CRACDL: variants seen among roughly 807,000 people sequenced by gnomAD.
The protein encoded by CRACDL is CRACD-like protein.
A neutral mutation model predicts 70.6 loss-of-function variants in CRACDL; 26 were observed. The ratio of observed to expected loss-of-function variants is 0.37; its 90% CI spans 0.27 to 0.51. CRACDL has a LOEUF of 0.51. CRACDL is among the 20% of genes least tolerant of loss of function. The pLI is 0.94. For missense variants in CRACDL, 1,283 were observed against 1,376.9 expected, an observed-to-expected ratio of 0.93 and a Z score of 1.08; for synonymous variants, 618 against 615.2, an observed-to-expected ratio of 1.00 and a Z score of -0.07.
intron 1 of CRACDL, among the ~76,000 whole-genome samples, chr2:98,867,281 T>C (rs1707184561): frequency 6.6e-6 from 1 of 152,218 alleles, no homozygotes; most frequent in Non-Finnish European, 1.5e-5. Context: ...TCAGAGTCCC[T>C]ATAAATGGAC....
At position 98,866,475 on chromosome 2, in the gene CRACDL, C is replaced by CTT. The variant is rs1173322192; in HGVS notation, c.-10-19667_-10-19666dup. Among the ~76,000 whole-genome samples the CTT allele has an allele frequency of 9.0e-3, 391 of 43,214 alleles. 38 individuals are homozygous for CTT. Among genetic ancestry groups the CTT allele is most frequent in the African/African-American group, 0.017 (168 of 9,970 alleles). The allele number at this position is 43,214 out of a possible 152,430, so 28.4% of individuals were successfully genotyped here. Reference sequence around the variant, plus strand: ...CTGATAGATGAAACAATCACTTCTTCTTTTTTTTTTTTTTTTTTTTTTTTT... The same window carrying CTT: ...CTGATAGATGAAACAATCACTTCTTCTTTTTTTTTTTTTTTTTTTTTTTTTTT... On this transcript the variant is annotated intron_variant, in intron 1 of 9. Coordinates refer to ENST00000397899, the MANE Select transcript of CRACDL (RefSeq NM_207362.3).
At chr2:98,897,835 A>G (rs2104649723) in intron 1 of CRACDL, among the ~76,000 whole-genome samples, 1 of 152,350 alleles carries the variant, frequency 6.6e-6, no homozygotes, top group East Asian at 1.9e-4. Flanking sequence ...AAAAACAGAG[A>G]CAGGGGGTGC....
chr2:98,860,014 C>T (rs1260037217), intron 1 of CRACDL, among the ~76,000 whole-genome samples: 1 of 151,914 alleles, frequency 6.6e-6, no homozygotes, highest in African/African-American at 2.4e-5. Context: ...TAGCAATGAA[C>T]AATCCACAGA....
chr2:98,826,626 A>G (rs1466489591), intron 6 of CRACDL, among the ~76,000 whole-genome samples: 1 of 152,180 alleles, frequency 6.6e-6, no homozygotes, highest in Non-Finnish European at 1.5e-5. Context: ...TGAGTGAGAA[A>G]GAAGGTAAGA....
At chr2:98,931,773 A>G (rs1013303473) in intron 1 of CRACDL, among the ~76,000 whole-genome samples, 7 of 152,198 alleles carry the variant, frequency 4.6e-5, no homozygotes, top group African/African-American at 1.4e-4. Context: ...ATGGTATCTG[A>G]GCCTGTGAAA....
At chr2:98,833,127 T>A in intron 3 of CRACDL, 130 bp from the exon 4 acceptor site, 1 of 838,054 alleles carries the variant, frequency 1.2e-6, no homozygotes, top group Non-Finnish European at 1.8e-6. Flanking sequence ...CATTTACATT[T>A]CAGTGGTCCC....
At position 98,822,614 on chromosome 2, in the gene CRACDL, C is replaced by G. The variant is rs988325692; in HGVS notation, c.1659G>C (p.Glu553Asp). The G allele has an allele frequency of 1.2e-5, 16 of 1,377,646 alleles. No individual in the cohort carries two copies. The highest frequency in any genetic ancestry group is 1.5e-5 in the African/African-American group (1 of 65,412). 85.3% of individuals were successfully genotyped at this position (1,377,646 alleles called of 1,614,324 possible). A position where few individuals can be genotyped will look rare whatever the true frequency, so the allele number is the denominator to read the frequency against. ...ERAEAPPAGA[E>D]RAAPERKAER... ...CCGCCTTCCGCTCTGGCGCCGCCCT[C>G]TCGGCGCCCGCCGGTGGCGCCTCGG... is the stretch of plus-strand genomic sequence containing the variant. Residue 553 changes from glutamate (E) to aspartate (D), a missense_variant, in exon 7 of 10, where the codon GAG becomes GAC. Physicochemically the swap from Glu to Asp is conservative, Grantham distance 45. Coordinates refer to ENST00000397899, the MANE Select transcript of CRACDL (RefSeq NM_207362.3). The surrounding 1 kb of genome is among the most constrained non-coding windows in gnomAD (Gnocchi z 4.9).
chr2:98,832,930 G>T lies in CRACDL; in HGVS notation c.307C>A (p.Gln103Lys). Residue 103 changes from glutamine (Q) to lysine (K), a missense_variant, in exon 4 of 10, where the codon CAG becomes AAG. By Grantham distance (53) the Gln-to-Lys change is moderately conservative. Coordinates refer to ENST00000397899, the MANE Select transcript of CRACDL (RefSeq NM_207362.3). Reference sequence around the variant, plus strand: ...ACCCGCACAGGCCGAGTAGCGTCCTGTCCGGACTCAGGAATGAAAATACTG... The same window carrying T: ...ACCCGCACAGGCCGAGTAGCGTCCTTTCCGGACTCAGGAATGAAAATACTG... ...HDSIFIPESG[Q>K]DATRPVRVFS... 1 of 1,614,106 alleles carries T rather than the reference G, an allele frequency of 6.2e-7. No individual in the cohort carries two copies. Among genetic ancestry groups the T allele is most frequent in the Non-Finnish European group, 8.5e-7 (1 of 1,179,950 alleles).
In CRACDL at chr2:98,804,505, G is replaced by A. The variant is rs191978648; in HGVS notation, c.2417-6968C>T. Among the ~76,000 whole-genome samples the A allele has an allele frequency of 5.0e-3, 765 of 152,292 alleles. 1 individual carries two copies. Among genetic ancestry groups the A allele is most frequent in the African/African-American group, 0.016 (677 of 41,554 alleles). On this transcript the variant is annotated intron_variant, in intron 7 of 9. Transcript: ENST00000397899. The stretch of plus-strand genomic sequence containing the variant: ...AGCTGAGGTCAAGCAGTGATGCGCC[G>A]CCTTATTGTTTTAGCTCTTACACCG...
intron 1 of CRACDL, among the ~76,000 whole-genome samples, chr2:98,911,138 T>A (rs553069665): frequency 1.3e-5 from 2 of 152,300 alleles, no homozygotes; most frequent in African/African-American, 4.8e-5. Context: ...CCTGCTCTCG[T>A]CACAGGCACA....
At chr2:98,812,009 C>T (rs1333861473) in intron 7 of CRACDL, among the ~76,000 whole-genome samples, 1 of 152,212 alleles carries the variant, frequency 6.6e-6, no homozygotes, top group African/African-American at 2.4e-5. Flanking sequence ...CAGTGTTGCT[C>T]TGTCACCCAG....
intron 7 of CRACDL, among the ~76,000 whole-genome samples, chr2:98,817,036 T>A (rs760223716): frequency 2.0e-5 from 3 of 152,214 alleles, no homozygotes; most frequent in Non-Finnish European, 4.4e-5. Flanking sequence ...AGGAAGGGAA[T>A]TCTGTACTTG....
At chr2:98,910,605 C>G (rs1708524748) in intron 1 of CRACDL, among the ~76,000 whole-genome samples, 1 of 152,104 alleles carries the variant, frequency 6.6e-6, no homozygotes, top group Admixed American at 6.5e-5. Flanking sequence ...GAGGATCCCC[C>G]AAAACCAGAG....
At chr2:98,909,612 A>T (rs1160543084) in intron 1 of CRACDL, among the ~76,000 whole-genome samples, 1 of 152,208 alleles carries the variant, frequency 6.6e-6, no homozygotes, top group Non-Finnish European at 1.5e-5. Context: ...TCCTCCCTCC[A>T]GCACATTTCT....
chr2:98,811,503 C>T (rs1261828734), intron 7 of CRACDL, among the ~76,000 whole-genome samples: 3 of 117,812 alleles, frequency 2.5e-5, no homozygotes, highest in Admixed American at 1.2e-4. Flanking sequence ...GGTGACAGAG[C>T]GAGACTCTGT....
In CRACDL at chr2:98,825,495, G is replaced by A. The variant is rs575518489; in HGVS notation, c.735+1480C>T. Among the ~76,000 whole-genome samples the A allele has an allele frequency of 8.1e-4, 124 of 152,334 alleles. 1 individual carries two copies. The highest frequency in any genetic ancestry group is 6.8e-3 in the Middle Eastern group (2 of 294). On this transcript the variant is annotated intron_variant, in intron 6 of 9. Coordinates refer to ENST00000397899, the MANE Select transcript of CRACDL (RefSeq NM_207362.3). ...TGTTTCCACCTGGAATAGACACCAC[G>A]CTTCGCTCTGTCACCAAGTCCTGGC...
intron 1 of CRACDL, among the ~76,000 whole-genome samples, chr2:98,878,748 A>G (rs1408505316): frequency 6.6e-6 from 1 of 152,188 alleles, no homozygotes; most frequent in African/African-American, 2.4e-5. Flanking sequence ...CGTAAGCTAA[A>G]AATATTGTAG....
intron 1 of CRACDL, among the ~76,000 whole-genome samples, chr2:98,898,989 T>G (rs1258398808): frequency 6.6e-6 from 1 of 151,938 alleles, no homozygotes; most frequent in African/African-American, 2.4e-5. Context: ...AACTGAAAAA[T>G]CCCCAGTGAT....
Position 98,821,960 on chromosome 2 carries a change from G to A in CRACDL, c.2313C>T (p.Phe771=). The A allele has an allele frequency of 6.5e-7, 1 of 1,544,744 alleles. No homozygotes were observed. The highest frequency in any genetic ancestry group is 1.2e-5 in the South Asian group (1 of 83,610). The change falls in exon 7 of 10, where the codon TTC becomes TTT. Residue 771 remains phenylalanine, a synonymous_variant. Transcript: ENST00000397899. ...GGGGCGCGGGCTGGTGCGGGAGCGT[G>A]AAGCTCTGCAGAAGCGGCTTCCGGG... ...PLPRKPLLQS[F]TLPHQPAPPD...
Sources: allele counts gnomAD v4.1 joint callset (sites outside exome capture counted in the v4.1 genomes callset), GRCh38; gene constraint gnomAD v4.1.1; non-coding constraint Gnocchi (gnomAD v3.1); transcripts MANE v1.5; gene names NCBI Gene and HGNC (gene_info 2026-07-23, HGNC 2026-07-21).